The following PTP4A2 variants were observed in gnomAD, a reference collection of about 807,000 sequenced individuals.
PTP4A2 encodes protein tyrosine phosphatase type IVA 2.
In PTP4A2, 2 loss-of-function variants were observed where a neutral mutation model predicts 22.9. The observed-to-expected ratio is 0.09, with a 90% CI of 0.04 to 0.27. The LOEUF (loss-of-function observed/expected upper bound fraction) is 0.27. Ranked by LOEUF, PTP4A2 falls within the 10% of genes least tolerant of loss-of-function variation. The pLI is 1.00. For missense variants in PTP4A2, 103 were observed against 205.1 expected (o/e 0.50, Z 3.04); for synonymous variants, 68 against 69.1 (o/e 0.98, Z 0.08).
chr1:31,916,821 G>A lies in PTP4A2; in HGVS notation c.97-834C>T, dbSNP rs116821554. On this transcript the variant is annotated intron_variant, in intron 2 of 5. Coordinates refer to ENST00000647444, the MANE Select transcript of PTP4A2 (RefSeq NM_080391.4). ...TGATCCTATCTGTATGTGTATTTAT[G>A]AATACACACAGATATATGCAGAGAA... Among the ~76,000 whole-genome samples the A allele has an allele frequency of 4.0e-3, 605 of 152,218 alleles. 5 individuals carry two copies. Among genetic ancestry groups the A allele is most frequent in the African/African-American group, 0.013 (538 of 41,534 alleles).
intron 1 of PTP4A2, among the ~76,000 whole-genome samples, chr1:31,934,895 G>C (rs1652869352): frequency 1.3e-5 from 2 of 152,258 alleles, no homozygotes; most frequent in South Asian, 4.1e-4. Context: ...TTGCTGTTCT[G>C]AGTCAGAAAA....
chr1:31,918,818 G>T, intron 2 of PTP4A2, 152 bp downstream of exon 2: 2 of 520,872 alleles, frequency 3.8e-6, no homozygotes. Context: ...AAATGTTCTT[G>T]AAAAAATCTG....
rs545954433 is a variant in PTP4A2, at chr1:31,909,866, C to T, written c.395+172G>A. 5.3e-5 allele frequency among the ~76,000 whole-genome samples: 8 copies of T among 152,260 alleles called. 1 individual carries two copies. In the South Asian group the frequency reaches 1.7e-3, roughly 32 times the overall value. On this transcript the variant is annotated intron_variant, in intron 5 of 5. Transcript: ENST00000647444. Reference sequence around the variant, plus strand: ...ATTAGAAAACTTTTGAATCTGGAAACCAGCTGTACTGAGTCTCTATCACTT... The same window carrying T: ...ATTAGAAAACTTTTGAATCTGGAAATCAGCTGTACTGAGTCTCTATCACTT...
chr1:31,937,153 G>C (rs1439358150), intron 1 of PTP4A2, among the ~76,000 whole-genome samples: 2 of 152,134 alleles, frequency 1.3e-5, no homozygotes. Context: ...AGGGGCCCCA[G>C]ACTAGGATAG....
intron 1 of PTP4A2, among the ~76,000 whole-genome samples, chr1:31,936,453 G>GA (rs1652936835): frequency 6.6e-6 from 1 of 151,622 alleles, no homozygotes; most frequent in Admixed American, 6.6e-5. Flanking sequence ...TGCTTATACT[G>GA]AAAGACTACC....
intron 1 of PTP4A2, chr1:31,933,285 G>A (rs567718096): frequency 6.6e-6 from 1 of 152,018 alleles, no homozygotes; most frequent in Non-Finnish European, 1.5e-5. Context: ...GCCTAGCCAA[G>A]ACTTTTCTAA....
intron 5 of PTP4A2, among the ~76,000 whole-genome samples, chr1:31,909,586 C>T (rs781730950): frequency 4.0e-5 from 6 of 151,738 alleles, no homozygotes; most frequent in Non-Finnish European, 8.8e-5. Context: ...GCAGTAGAAT[C>T]GCTTGAACCC....
intron 1 of PTP4A2, among the ~76,000 whole-genome samples, chr1:31,932,239 C>T (rs1214554321): frequency 6.6e-6 from 1 of 152,110 alleles, no homozygotes; most frequent in African/African-American, 2.4e-5. Flanking sequence ...GAATTAATGT[C>T]TTGAGAAGAC....
chr1:31,909,276 A>G (rs1379605058), intron 5 of PTP4A2, among the ~76,000 whole-genome samples: 3 of 152,222 alleles, frequency 2.0e-5, no homozygotes, highest in African/African-American at 7.2e-5. Context: ...AAAAATTGTC[A>G]AAGAATTCTG....
intron 1 of PTP4A2, among the ~76,000 whole-genome samples, chr1:31,927,983 T>C (rs1652544611): frequency 6.6e-6 from 1 of 151,944 alleles, no homozygotes; most frequent in Non-Finnish European, 1.5e-5. Context: ...ACACGCATCT[T>C]CTGATTAACT....
chr1:31,922,598 CTTTCTTTCTT>C (rs1190985581), intron 1 of PTP4A2, among the ~76,000 whole-genome samples: 3 of 79,218 alleles, frequency 3.8e-5, no homozygotes, highest in African/African-American at 1.9e-4. Flanking sequence ...TTCTTTCTTT[CTTTCTTTCTT>C]TCTTTCTTTC....
intron 1 of PTP4A2, 84 bp from the exon 2 acceptor site, chr1:31,919,742 A>G (rs1001435216): frequency 2.0e-5 from 3 of 152,550 alleles, no homozygotes; most frequent in African/African-American, 7.2e-5. Flanking sequence ...TACATTCTTT[A>G]TAAGCCCAAA....
At chr1:31,909,766 A>T (rs749491395) in intron 5 of PTP4A2, among the ~76,000 whole-genome samples, 4 of 152,174 alleles carry the variant, frequency 2.6e-5, no homozygotes, top group Non-Finnish European at 5.9e-5. Flanking sequence ...AGGTATTTGG[A>T]ATCTATTAAA....
intron 1 of PTP4A2, among the ~76,000 whole-genome samples, chr1:31,936,009 G>C (rs1327473734): frequency 2.0e-5 from 3 of 151,840 alleles, no homozygotes; most frequent in Admixed American, 1.3e-4. Flanking sequence ...GGCTGGTCTC[G>C]AACTCCTGGG....
intron 1 of PTP4A2, chr1:31,935,465 A>G (rs1395661923): frequency 1.3e-5 from 2 of 152,392 alleles, no homozygotes; most frequent in East Asian, 1.9e-4. Context: ...AAACCTCAAT[A>G]TAAGAGGAGC....
At chr1:31,909,142 A>C (rs1458535802) in intron 5 of PTP4A2, among the ~76,000 whole-genome samples, 182 bp from the exon 6 acceptor site, 2 of 152,234 alleles carry the variant, frequency 1.3e-5, no homozygotes, top group Admixed American at 6.5e-5. Context: ...CCCTCCTAGA[A>C]GGAATAGAAA....
rs189220196 is a variant in PTP4A2 at position 31,929,403 on chromosome 1, G to A, written c.-594+8584C>T. ...ATTACATTAAATAGTTTTACTAAAT[G>A]GATTCTATTCATCCATACTTTTGTG... is the stretch of plus-strand genomic sequence containing the variant. On this transcript the variant is annotated intron_variant, in intron 1 of 5. Coordinates refer to ENST00000647444, the MANE Select transcript of PTP4A2 (RefSeq NM_080391.4). Among the ~76,000 whole-genome samples the A allele has an allele frequency of 1.3e-3, 201 of 152,174 alleles. 1 individual carries two copies. Among genetic ancestry groups the A allele is most frequent in the African/African-American group, 4.5e-3 (186 of 41,526 alleles).
chr1:31,909,446 T>C (rs1250145219), intron 5 of PTP4A2, among the ~76,000 whole-genome samples: 1 of 151,914 alleles, frequency 6.6e-6, no homozygotes, highest in Non-Finnish European at 1.5e-5. Flanking sequence ...GAGGCCGAGG[T>C]GGGCGGATCA....
intron 1 of PTP4A2, among the ~76,000 whole-genome samples, chr1:31,930,245 G>A (rs557417727): frequency 6.6e-6 from 1 of 152,098 alleles, no homozygotes. Flanking sequence ...GGCTGAGGCA[G>A]GAGAATGGCG....
Sources: allele counts gnomAD v4.1 joint callset (sites outside exome capture counted in the v4.1 genomes callset), GRCh38; gene constraint gnomAD v4.1.1; transcripts MANE v1.5; gene names NCBI Gene and HGNC (gene_info 2026-07-23, HGNC 2026-07-21).